Variants in PSMD14 observed in about 807,000 individuals in gnomAD.
PSMD14 encodes proteasome 26S subunit, non-ATPase 14, also known as ubiquitin C-terminal hydrolase PSMD14.
In PSMD14, 7 loss-of-function variants were observed where a neutral mutation model predicts 41.2. That is an observed-to-expected ratio of 0.17 (90% CI 0.10 to 0.32). The LOEUF is 0.32. PSMD14 is among the 10% of genes least tolerant of loss of function. The pLI is 1.00. For missense variants in PSMD14, 139 were observed against 375.6 expected (o/e 0.37, Z 5.21); for synonymous variants, 114 against 122.3 (o/e 0.93, Z 0.45).
intron 3 of PSMD14, among the ~76,000 whole-genome samples, chr2:161,343,269 G>T (rs1329240001): frequency 1.3e-5 from 2 of 152,016 alleles, no homozygotes; most frequent in Non-Finnish European, 2.9e-5. Context: ...CTTTCTGTTT[G>T]TTACGAATCT....
intron 7 of PSMD14, among the ~76,000 whole-genome samples, chr2:161,377,504 A>G (rs1683519303): frequency 6.6e-6 from 1 of 151,936 alleles, no homozygotes; most frequent in Non-Finnish European, 1.5e-5. Context: ...AATAACATGT[A>G]ATAGTTTATC....
chr2:161,346,325 A>C (rs1334557272), intron 3 of PSMD14, among the ~76,000 whole-genome samples: 1 of 151,950 alleles, frequency 6.6e-6, no homozygotes, highest in Non-Finnish European at 1.5e-5. Flanking sequence ...GCTTTATCCT[A>C]TTGCTAGTGG....
chr2:161,356,604 T>C (rs1330456742), intron 3 of PSMD14, among the ~76,000 whole-genome samples: 1 of 152,076 alleles, frequency 6.6e-6, no homozygotes, highest in Non-Finnish European at 1.5e-5. Context: ...AAACATATAA[T>C]CACCTTCATT....
chr2:161,361,111 T>C lies in PSMD14; in HGVS notation c.49-6367T>C, dbSNP rs577261652. ...TCAAATAGGCATTCACCAATATTTT[T>C]GGCATAGCATTTGTTACACTTTAAT... On this transcript the variant is annotated intron_variant, in intron 3 of 11. Coordinates refer to ENST00000409682, the MANE Select transcript of PSMD14 (RefSeq NM_005805.6). Among the ~76,000 whole-genome samples, 85 of 152,368 alleles carry C rather than the reference T, an allele frequency of 5.6e-4. 1 individual carries two copies. Among genetic ancestry groups the C allele is most frequent in the African/African-American group, 2.0e-3 (83 of 41,596 alleles).
chr2:161,370,054 G>T, intron 5 of PSMD14, 53 bp from the exon 6 acceptor site: 1 of 1,379,982 alleles, frequency 7.2e-7, no homozygotes, highest in Non-Finnish European at 9.8e-7. Context: ...ACATAGGGAA[G>T]CTTTTTTTCC....
chr2:161,345,607 A>G (rs552655104), intron 3 of PSMD14, among the ~76,000 whole-genome samples: 1 of 151,540 alleles, frequency 6.6e-6, no homozygotes, highest in South Asian at 2.1e-4. Context: ...TTTCTTTATC[A>G]CTGATTTTGG....
At chr2:161,398,532 T>G (rs1212592922) in intron 10 of PSMD14, among the ~76,000 whole-genome samples, 2 of 151,962 alleles carry the variant, frequency 1.3e-5, no homozygotes, top group Non-Finnish European at 2.9e-5. Context: ...CGGAGATGCA[T>G]CTGCTATTTT....
chr2:161,374,755 A>G (rs542438884), intron 7 of PSMD14, among the ~76,000 whole-genome samples: 5 of 152,160 alleles, frequency 3.3e-5, no homozygotes, highest in Admixed American at 6.6e-5. Context: ...TTAGAAGTTA[A>G]TTCAACTTGT....
At chr2:161,320,764 C>T (rs542687611) in intron 3 of PSMD14, among the ~76,000 whole-genome samples, 266 of 151,968 alleles carry the variant, frequency 1.8e-3, no homozygotes, top group Non-Finnish European at 1.9e-3. Flanking sequence ...CTCACTCTGT[C>T]GCCCAGGCTG....
chr2:161,400,829 A>G (rs1021729648), intron 10 of PSMD14, among the ~76,000 whole-genome samples: 8 of 152,096 alleles, frequency 5.3e-5, no homozygotes, highest in African/African-American at 1.9e-4. Flanking sequence ...TACAGGCATG[A>G]GCCATAGCAC....
At chr2:161,318,681 A>C in intron 2 of PSMD14, 141 bp from the exon 3 acceptor site, 1 of 658,428 alleles carries the variant, frequency 1.5e-6, no homozygotes, top group Non-Finnish European at 2.7e-6. Context: ...TGTGGTGTTA[A>C]TTAACAGGAA....
At chr2:161,360,021 C>T (rs1037277331) in intron 3 of PSMD14, among the ~76,000 whole-genome samples, 11 of 152,016 alleles carry the variant, frequency 7.2e-5, no homozygotes, top group African/African-American at 2.7e-4. Flanking sequence ...GGATTGGTAT[C>T]TATCACACAT....
intron 8 of PSMD14, among the ~76,000 whole-genome samples, chr2:161,388,584 AC>A (rs985774433): frequency 1.3e-5 from 2 of 152,044 alleles, no homozygotes. Flanking sequence ...GAACCACAAA[AC>A]ACATTTTGTT....
intron 3 of PSMD14, chr2:161,340,947 GATGGCCC>G: frequency 6.2e-7 from 1 of 1,613,358 alleles, no homozygotes; most frequent in South Asian, 1.1e-5. Flanking sequence ...CCCTTCCGAT[GATGGCCC>G]CTTCTCACCA....
chr2:161,366,552 A>G (rs1683361524), intron 3 of PSMD14, among the ~76,000 whole-genome samples: 1 of 152,168 alleles, frequency 6.6e-6, no homozygotes, highest in Non-Finnish European at 1.5e-5. Flanking sequence ...TGTTTACCTA[A>G]TTTGTAATAG....
chr2:161,367,682 G>GT (rs58162668), intron 4 of PSMD14, 102 bp from the exon 5 acceptor site: 1,309,979 of 1,464,782 alleles, frequency 0.89, 586,609 homozygotes, highest in East Asian at 1. Flanking sequence ...TATAAAAGGA[G>GT]TTTTTATTTT....
intron 3 of PSMD14, among the ~76,000 whole-genome samples, chr2:161,356,300 T>C (rs1214886673): frequency 1.3e-5 from 2 of 152,202 alleles, no homozygotes; most frequent in Non-Finnish European, 2.9e-5. Context: ...AGAAATAGTT[T>C]ACATGCAGCT....
intron 3 of PSMD14, among the ~76,000 whole-genome samples, chr2:161,328,434 CT>C (rs1326088027): frequency 6.6e-6 from 1 of 151,802 alleles, no homozygotes; most frequent in South Asian, 2.1e-4. Flanking sequence ...AAAGTAACAC[CT>C]TTTTTTAGAG....
intron 9 of PSMD14, 95 bp downstream of exon 9, chr2:161,391,273 C>T: frequency 2.4e-6 from 3 of 1,238,420 alleles, no homozygotes; most frequent in Non-Finnish European, 3.2e-6. Flanking sequence ...AATTTTTGAC[C>T]TCTTTCAGTG....
Sources: gnomAD v4.1 joint callset for allele counts (sites outside exome capture counted in the v4.1 genomes callset) on GRCh38, gnomAD v4.1.1 for gene constraint, MANE v1.5 for transcripts, NCBI Gene and HGNC (gene_info 2026-07-23, HGNC 2026-07-21) for gene names.